RIMS2: variants seen among roughly 807,000 people sequenced by gnomAD.
RIMS2 encodes the protein regulating synaptic membrane exocytosis 2, also known as regulating synaptic membrane exocytosis protein 2.
In RIMS2, 59 loss-of-function variants were observed where a neutral mutation model predicts 174.4. That is an observed-to-expected ratio of 0.34 (90% CI 0.27 to 0.42). RIMS2 has a LOEUF of 0.42. RIMS2 is among the 10% of genes least tolerant of loss of function. RIMS2 has a pLI of 1.00. For synonymous variants in RIMS2, 606 were observed against 572.5 expected (o/e 1.06, Z -0.84); for missense variants, 1,620 against 1,666.3 (o/e 0.97, Z 0.48).
At chr8:103,591,893 C>T (rs1410295510) in intron 1 of RIMS2, among the ~76,000 whole-genome samples, 3 of 150,940 alleles carry the variant, frequency 2.0e-5, no homozygotes, top group Non-Finnish European at 3.0e-5. Context: ...TTTTGTACTT[C>T]CATATAAAGT....
chr8:104,097,136 C>A (rs2097776566), intron 19 of RIMS2, among the ~76,000 whole-genome samples: 1 of 152,030 alleles, frequency 6.6e-6, no homozygotes, highest in Admixed American at 6.6e-5. Flanking sequence ...GCTGAATATT[C>A]CGTATCTGAA....
intron 1 of RIMS2, among the ~76,000 whole-genome samples, chr8:103,631,198 C>T (rs1054970521): frequency 2.6e-5 from 4 of 152,048 alleles, no homozygotes; most frequent in African/African-American, 4.8e-5. Context: ...TTTGCCTGTT[C>T]CTATGTCCAG....
chr8:103,866,712 A>G (rs192930653), intron 3 of RIMS2, among the ~76,000 whole-genome samples: 1 of 152,118 alleles, frequency 6.6e-6, no homozygotes, highest in African/African-American at 2.4e-5. Context: ...AATGCTATTC[A>G]AAAGAGAGAC....
rs1437047660 is a variant in RIMS2 at position 104,093,466 on chromosome 8, A to G, written c.3334+78851A>G. 3 of 1,590,844 alleles carry G rather than the reference A, an allele frequency of 1.9e-6. No individual in the cohort carries two copies. The highest frequency in any genetic ancestry group is 1.7e-4 in the Middle Eastern group (1 of 6,018). ...TTCTGCGTATTTGTCAATCTGTGTT[A>G]ACAGTATCGATCAGGATGGGATCCT... On this transcript the variant is annotated intron_variant, in intron 19 of 23. Coordinates refer to ENST00000504942, the Ensembl canonical transcript of RIMS2.
intron 1 of RIMS2, among the ~76,000 whole-genome samples, chr8:103,635,398 G>T (rs1299390615): frequency 6.6e-6 from 1 of 152,100 alleles, no homozygotes; most frequent in Non-Finnish European, 1.5e-5. Flanking sequence ...TGGAGGCCCA[G>T]GCCTGGATGA....
chr8:103,612,431 G>C (rs1447183866), intron 1 of RIMS2, among the ~76,000 whole-genome samples: 1 of 152,180 alleles, frequency 6.6e-6, no homozygotes, highest in Non-Finnish European at 1.5e-5. Flanking sequence ...TGTCTTTCTT[G>C]AGAAGGTGTT....
chr8:103,620,686 A>AACTT (rs10652135), intron 1 of RIMS2, among the ~76,000 whole-genome samples: 123,131 of 151,732 alleles, frequency 0.81, 50,452 homozygotes, highest in African/African-American at 0.92. Context: ...GATCATCAGG[A>AACTT]ACTTTATTTC....
At chr8:104,037,107 T>C (rs542428729) in intron 19 of RIMS2, among the ~76,000 whole-genome samples, 11 of 152,294 alleles carry the variant, frequency 7.2e-5, no homozygotes, top group African/African-American at 2.6e-4. Context: ...AAAAAGGTTT[T>C]GTCACTGTGG....
chr8:103,885,006 G>A (rs1355853264), intron 3 of RIMS2, among the ~76,000 whole-genome samples: 1 of 151,706 alleles, frequency 6.6e-6, no homozygotes, highest in Non-Finnish European at 1.5e-5. Context: ...AACCAAGCAA[G>A]GAAATTAGAA....
At chr8:104,100,986 ATATAG>A (rs1370742209) in intron 19 of RIMS2, among the ~76,000 whole-genome samples, 2 of 142,340 alleles carry the variant, frequency 1.4e-5, no homozygotes, top group African/African-American at 2.6e-5. Flanking sequence ...ATGATATATT[ATATAG>A]TATATGTTAT....
At chr8:104,078,660 CA>C (rs1303061340) in intron 19 of RIMS2, among the ~76,000 whole-genome samples, 1 of 152,220 alleles carries the variant, frequency 6.6e-6, no homozygotes, top group Non-Finnish European at 1.5e-5. Context: ...CACATCTCTA[CA>C]AAGTAGCTAA....
At chr8:103,573,488 A>G (rs567868526) in intron 1 of RIMS2, among the ~76,000 whole-genome samples, 2 of 152,038 alleles carry the variant, frequency 1.3e-5, no homozygotes, top group African/African-American at 2.4e-5. Context: ...TACTTTCTCC[A>G]TTGTTTATTT....
rs199997824 is a variant in RIMS2 at position 103,876,864 on chromosome 8, TTATATATATATATATATA to T, written c.699-8405_699-8388del. ...TGTATATATACACACACACACTATT[TTATATATATATATATATA>T]TATATATATATATATATATATATAT... On this transcript the variant is annotated intron_variant, in intron 3 of 23. Transcript: ENST00000504942. Among the ~76,000 whole-genome samples, 68 of 68,108 alleles carry T rather than the reference TTATATATATATATATATA, an allele frequency of 1.0e-3. 2 individuals are homozygous for T. The highest frequency in any genetic ancestry group is 5.1e-3 in the East Asian group (8 of 1,560). The allele number at this position is 68,108 out of a possible 152,430, so 44.7% of individuals were successfully genotyped here. A position where few individuals can be genotyped will look rare whatever the true frequency, so the allele number is the denominator to read the frequency against.
At chr8:103,594,147 A>G (rs2094390189) in intron 1 of RIMS2, among the ~76,000 whole-genome samples, 1 of 151,650 alleles carries the variant, frequency 6.6e-6, no homozygotes, top group Non-Finnish European at 1.5e-5. Flanking sequence ...GAGTAACTCC[A>G]TGTGGATGCT....
At chr8:103,885,228 A>G in intron 3 of RIMS2, 70 bp from the exon 7 acceptor site, 1 of 1,467,516 alleles carries the variant, frequency 6.8e-7, no homozygotes, top group Non-Finnish European at 9.0e-7. Context: ...TCAACCTGCC[A>G]GCAAATCAAT....
chr8:104,168,956 C>T, intron 19 of RIMS2, among the ~76,000 whole-genome samples: 1 of 151,652 alleles, frequency 6.6e-6, no homozygotes. Context: ...CATTTATTGA[C>T]TTGTGTATGT....
At chr8:103,594,328 C>G (rs1173113969) in intron 1 of RIMS2, among the ~76,000 whole-genome samples, 1 of 151,524 alleles carries the variant, frequency 6.6e-6, no homozygotes, top group Non-Finnish European at 1.5e-5. Context: ...ATTCTCAAGA[C>G]AAGATGTTCC....
intron 16 of RIMS2, among the ~76,000 whole-genome samples, chr8:103,985,739 T>C (rs1426919855): frequency 6.6e-6 from 1 of 152,080 alleles, no homozygotes; most frequent in East Asian, 1.9e-4. Flanking sequence ...TCAACAGATG[T>C]ACAGGTAATA....
intron 1 of RIMS2, among the ~76,000 whole-genome samples, chr8:103,586,832 A>G (rs1319705267): frequency 6.6e-6 from 1 of 152,020 alleles, no homozygotes. Flanking sequence ...AAATCGACAA[A>G]TCTTTAGCCA....
Sources: gnomAD v4.1 joint callset for allele counts (sites outside exome capture counted in the v4.1 genomes callset) on GRCh38, gnomAD v4.1.1 for gene constraint, MANE v1.5 for transcripts, NCBI Gene and HGNC (gene_info 2026-07-23, HGNC 2026-07-21) for gene names.